The following HP1BP3 variants were observed in gnomAD, a reference collection of about 807,000 sequenced individuals.
HP1BP3 encodes the protein heterochromatin protein 1-binding protein 3.
HP1BP3 carries 12 observed loss-of-function variants against 62.5 expected under a neutral mutation model. The observed-to-expected ratio is 0.19, with a 90% CI of 0.12 to 0.31. The LOEUF is 0.31. Ranked by LOEUF, HP1BP3 falls within the 10% of genes least tolerant of loss-of-function variation. HP1BP3 has a pLI of 1.00. For synonymous variants in HP1BP3, 260 were observed against 237.8 expected (o/e 1.09, Z -0.86); for missense variants, 502 against 651.8 (o/e 0.77, Z 2.50).
chr1:20,772,932 A>G (rs1319200320), intron 5 of HP1BP3, among the ~76,000 whole-genome samples: 2 of 152,238 alleles, frequency 1.3e-5, no homozygotes, highest in Non-Finnish European at 2.9e-5. Context: ...TAGGTAATAA[A>G]GCAGTGTTTA....
At position 20,787,291 on chromosome 1, in the gene HP1BP3, C is replaced by A; in HGVS notation, c.-197G>T. 6.6e-6 allele frequency: 1 copy of A among 150,800 alleles called. No individual in the cohort carries two copies. Among genetic ancestry groups the A allele is most frequent in the South Asian group, 1.8e-4 (1 of 5,484 alleles). The allele number at this position is 150,800 out of a possible 1,614,324, so 9.3% of individuals were successfully genotyped here. On this transcript the variant is annotated 5_prime_UTR_variant, in exon 1 of 13. Coordinates refer to ENST00000438032, the MANE Select transcript of HP1BP3 (RefSeq NM_001372052.1). ...GCCTCCGCCACCGCTGTCCTCCAGTCCCAGCCGCCGAGCTCTGCCGCCCCG... is the reference window on the plus strand; with the variant it reads ...GCCTCCGCCACCGCTGTCCTCCAGTACCAGCCGCCGAGCTCTGCCGCCCCG...
At chr1:20,745,249 G>A (rs1340862945) in intron 12 of HP1BP3, among the ~76,000 whole-genome samples, 158 bp from the exon 13 acceptor site, 2 of 152,188 alleles carry the variant, frequency 1.3e-5, no homozygotes, top group Non-Finnish European at 2.9e-5. Context: ...TACTAAAATT[G>A]TATAAAAATT....
chr1:20,745,901 T>C (rs866908519), intron 11 of HP1BP3, among the ~76,000 whole-genome samples: 1 of 152,220 alleles, frequency 6.6e-6, no homozygotes, highest in Non-Finnish European at 1.5e-5. Context: ...AATTAATCCA[T>C]AGTCATTTAT....
chr1:20,780,503 G>T lies in HP1BP3; in HGVS notation c.-63C>A. 8.5e-7 allele frequency: 1 copy of T among 1,180,456 alleles called. No individual in the cohort carries two copies. Among genetic ancestry groups the T allele is most frequent in the Non-Finnish European group, 1.3e-6 (1 of 788,342 alleles). 73.1% of individuals were successfully genotyped at this position (1,180,456 alleles called of 1,614,324 possible). A position where few individuals can be genotyped will look rare whatever the true frequency, so the allele number is the denominator to read the frequency against. On this transcript the variant is annotated 5_prime_UTR_variant, in exon 2 of 13. Coordinates refer to ENST00000438032, the MANE Select transcript of HP1BP3 (RefSeq NM_001372052.1). ...TGAAGCCTCTGCTGTTAACCACAAG[G>T]ATTTTTCCTAATGGTTTCAGTGTGG...
chr1:20,745,509 G>A (rs2055260691), intron 12 of HP1BP3, 34 bp downstream of exon 12: 1 of 1,607,698 alleles, frequency 6.2e-7, no homozygotes, highest in South Asian at 1.1e-5. Context: ...GGTATTTAGT[G>A]TCCTCCCCAC....
intron 1 of HP1BP3, among the ~76,000 whole-genome samples, chr1:20,786,860 C>T (rs1442646315): frequency 6.6e-6 from 1 of 152,144 alleles, no homozygotes. Flanking sequence ...GACGCCGACG[C>T]AGGCGCGCTG....
At chr1:20,780,001 G>T in intron 2 of HP1BP3, 90 bp from the exon 3 acceptor site, 1 of 960,106 alleles carries the variant, frequency 1.0e-6, no homozygotes. Flanking sequence ...TCAGATGTAG[G>T]AGAATTCTTC....
chr1:20,755,650 C>T (rs1455760179), intron 9 of HP1BP3, among the ~76,000 whole-genome samples: 1 of 152,090 alleles, frequency 6.6e-6, no homozygotes, highest in African/African-American at 2.4e-5. Flanking sequence ...TATGGCCCAG[C>T]AAGTCCTAAA....
At chr1:20,748,388 AGCT>A (rs1157199234) in intron 10 of HP1BP3, among the ~76,000 whole-genome samples, 1 of 152,246 alleles carries the variant, frequency 6.6e-6, no homozygotes, top group Admixed American at 6.5e-5. Flanking sequence ...TCCAAAAAAC[AGCT>A]GCAAATATCA....
rs2154539378 is a variant in HP1BP3 at position 20,744,582 on chromosome 1, G to A, written c.*215C>T. ...TAGTTTAGGAAAGTCCAGGATTATT[G>A]CAGAAATTAAAATGAACAAGGAAAA... On this transcript the variant is annotated 3_prime_UTR_variant, in exon 13 of 13. Transcript: ENST00000438032. 1.9e-6 allele frequency: 1 copy of A among 540,162 alleles called. No individual in the cohort carries two copies. The highest frequency in any genetic ancestry group is 3.3e-6 in the Non-Finnish European group (1 of 307,676). 33.5% of individuals were successfully genotyped at this position (540,162 alleles called of 1,614,324 possible).
chr1:20,762,830 T>C (rs890753537), intron 8 of HP1BP3, among the ~76,000 whole-genome samples: 3 of 152,106 alleles, frequency 2.0e-5, no homozygotes, highest in Non-Finnish European at 4.4e-5. Context: ...CCTGAGGCTG[T>C]GTCACGGGCA....
chr1:20,746,315 T>C (rs1225270128), intron 11 of HP1BP3, among the ~76,000 whole-genome samples: 18 of 151,588 alleles, frequency 1.2e-4, no homozygotes, highest in Non-Finnish European at 4.4e-5. Context: ...CACCTCACCT[T>C]CCCAAGTAGT....
intron 10 of HP1BP3, among the ~76,000 whole-genome samples, chr1:20,749,361 C>CT (rs11377726): frequency 0.062 from 8,661 of 138,784 alleles, 452 homozygotes; most frequent in African/African-American, 0.12. Context: ...CTTTTCTTTT[C>CT]TTTTCTTTTT....
intron 6 of HP1BP3, among the ~76,000 whole-genome samples, chr1:20,768,441 G>T (rs10916860): frequency 6.6e-6 from 1 of 152,060 alleles, no homozygotes; most frequent in Admixed American, 6.6e-5. Context: ...GCGATACTCC[G>T]TCTCAAAAAA....
intron 9 of HP1BP3, among the ~76,000 whole-genome samples, chr1:20,756,501 T>TA (rs2056117490): frequency 6.6e-6 from 1 of 151,834 alleles, no homozygotes; most frequent in African/African-American, 2.4e-5. Flanking sequence ...ACCTGGGAGA[T>TA]AGAGGCTACA....
intron 12 of HP1BP3, 150 bp from the exon 13 acceptor site, chr1:20,745,241 C>A: frequency 2.2e-6 from 2 of 920,840 alleles, no homozygotes; most frequent in Admixed American, 3.2e-5. Context: ...AGAGATTTTA[C>A]TAAAATTGTA....
rs778614564 is a variant in HP1BP3 at position 20,741,833 on chromosome 1, C to G, written c.*2964G>C. Among the ~76,000 whole-genome samples, 6 of 152,218 alleles carry G rather than the reference C, an allele frequency of 3.9e-5. No individual in the cohort carries two copies. Among genetic ancestry groups the G allele is most frequent in the Non-Finnish European group, 7.3e-5 (5 of 68,038 alleles). ...ATGCTAGAGATTTCTGGGATTACCT[C>G]TGGGGTTTGTTGTTCCCCTTTCTGA... On this transcript the variant is annotated 3_prime_UTR_variant, in exon 13 of 13. Transcript: ENST00000438032.
chr1:20,776,375 A>G (rs1215670394), intron 4 of HP1BP3: 2 of 458,480 alleles, frequency 4.4e-6, no homozygotes, highest in African/African-American at 4.1e-5. Context: ...CCAATGACAA[A>G]GACTTTTGGA....
intron 9 of HP1BP3, 169 bp from the exon 10 acceptor site, chr1:20,750,051 TCTAA>T (rs1024252462): frequency 7.4e-7 from 1 of 1,346,044 alleles, no homozygotes; most frequent in African/African-American, 1.5e-5. Flanking sequence ...AGGTATTCAA[TCTAA>T]CTGAGAAGTC....
Sources: allele counts gnomAD v4.1 joint callset (sites outside exome capture counted in the v4.1 genomes callset), GRCh38; gene constraint gnomAD v4.1.1; transcripts MANE v1.5; gene names NCBI Gene and HGNC (gene_info 2026-07-23, HGNC 2026-07-21).